Variants in PSMA5 observed in about 807,000 individuals in gnomAD.
The protein encoded by PSMA5 is proteasome subunit alpha type-5.
Under a neutral mutation model 34.5 loss-of-function variants are expected in PSMA5, and 3 were observed. That is an observed-to-expected ratio of 0.09 (90% CI 0.04 to 0.22). The LOEUF (loss-of-function observed/expected upper bound fraction) is 0.22, where lower values mean the gene tolerates loss of function less well. PSMA5 is among the 10% of genes least tolerant of loss of function. The pLI is 1.00. For synonymous variants in PSMA5, 88 were observed against 95.8 expected, an observed-to-expected ratio of 0.92 and a Z score of 0.47; for missense variants, 120 against 286.1, an observed-to-expected ratio of 0.42 and a Z score of 4.19.
intron 6 of PSMA5, among the ~76,000 whole-genome samples, chr1:109,411,594 C>A (rs1202260561): frequency 6.6e-6 from 1 of 151,958 alleles, no homozygotes; most frequent in Non-Finnish European, 1.5e-5. Flanking sequence ...ACACACTCTA[C>A]AATAGCCCTT....
intron 2 of PSMA5, among the ~76,000 whole-genome samples, chr1:109,420,018 C>T (rs1217530868): frequency 1.3e-5 from 2 of 151,460 alleles, no homozygotes; most frequent in Non-Finnish European, 2.9e-5. Context: ...CTTAATTTGC[C>T]TGAATGTTTT....
chr1:109,408,584 T>G (rs1557839923), intron 8 of PSMA5, among the ~76,000 whole-genome samples: 1 of 152,240 alleles, frequency 6.6e-6, no homozygotes, highest in Non-Finnish European at 1.5e-5. Flanking sequence ...GTACTCAATA[T>G]GATGCTGAAT....
At chr1:109,423,514 C>T (rs1654529231) in intron 1 of PSMA5, among the ~76,000 whole-genome samples, 1 of 152,220 alleles carries the variant, frequency 6.6e-6, no homozygotes. Flanking sequence ...CTTGCATATC[C>T]TATTAGCACT....
chr1:109,418,315 A>C (rs1485705067), intron 2 of PSMA5, among the ~76,000 whole-genome samples: 1 of 152,150 alleles, frequency 6.6e-6, no homozygotes, highest in Non-Finnish European at 1.5e-5. Flanking sequence ...TGACCAGTTC[A>C]AAAGGAAAAA....
At chr1:109,425,126 A>G (rs777596295) in intron 1 of PSMA5, among the ~76,000 whole-genome samples, 12 of 152,244 alleles carry the variant, frequency 7.9e-5, no homozygotes, top group Admixed American at 5.9e-4. Flanking sequence ...CCATTGCTGT[A>G]GCACCAGCAC....
intron 8 of PSMA5, among the ~76,000 whole-genome samples, chr1:109,405,225 G>C (rs1303832127): frequency 2.0e-5 from 3 of 152,142 alleles, no homozygotes; most frequent in African/African-American, 4.8e-5. Context: ...CCATTTACCT[G>C]TTGGCCCTAC....
intron 2 of PSMA5, among the ~76,000 whole-genome samples, chr1:109,418,640 G>A (rs1372407391): frequency 2.6e-5 from 4 of 151,866 alleles, no homozygotes; most frequent in Admixed American, 6.6e-5. Context: ...TTCTAGACAC[G>A]GGCTATGTTG....
At chr1:109,422,399 T>C (rs1027213195) in intron 1 of PSMA5, among the ~76,000 whole-genome samples, 3 of 152,164 alleles carry the variant, frequency 2.0e-5, no homozygotes, top group Admixed American at 6.5e-5. Flanking sequence ...TTTGTAATAG[T>C]CTCCTAACAG....
intron 8 of PSMA5, among the ~76,000 whole-genome samples, chr1:109,402,714 T>C (rs1427322167): frequency 1.3e-5 from 2 of 152,150 alleles, no homozygotes; most frequent in Non-Finnish European, 2.9e-5. Context: ...TTGTTTTTGG[T>C]TTTGTTTTGA....
intron 2 of PSMA5, among the ~76,000 whole-genome samples, chr1:109,416,803 T>C (rs1654218898): frequency 6.6e-6 from 1 of 152,198 alleles, no homozygotes; most frequent in Non-Finnish European, 1.5e-5. Context: ...AAAAATTTTA[T>C]GTAAAAAAAT....
chr1:109,426,270 A>C (rs1654655994), intron 1 of PSMA5, 32 bp downstream of exon 1: 2 of 1,613,250 alleles, frequency 1.2e-6, no homozygotes, highest in Non-Finnish European at 1.7e-6. Context: ...CCCACCCATA[A>C]TTCCCACCCG....
intron 3 of PSMA5, 96 bp from the exon 4 acceptor site, chr1:109,413,231 C>T: frequency 9.1e-7 from 1 of 1,097,284 alleles, no homozygotes. Flanking sequence ...GGAACCACGG[C>T]AGCCATTCAG....
At chr1:109,407,833 C>G (rs546112198) in intron 8 of PSMA5, among the ~76,000 whole-genome samples, 1 of 151,818 alleles carries the variant, frequency 6.6e-6, no homozygotes, top group Non-Finnish European at 1.5e-5. Flanking sequence ...TTAGTAGAGA[C>G]GGGGTTTCAC....
At chr1:109,424,510 G>C (rs548988909) in intron 1 of PSMA5, among the ~76,000 whole-genome samples, 28 of 152,242 alleles carry the variant, frequency 1.8e-4, no homozygotes, top group Admixed American at 1.4e-3. Flanking sequence ...GAGCGAGGTG[G>C]CTCTCGCCTG....
At chr1:109,424,681 A>G (rs1302224082) in intron 1 of PSMA5, among the ~76,000 whole-genome samples, 1 of 151,270 alleles carries the variant, frequency 6.6e-6, no homozygotes, top group African/African-American at 2.4e-5. Flanking sequence ...ACGCTGAGTC[A>G]GAGAATTGCT....
At chr1:109,425,471 A>G (rs1654618472) in intron 1 of PSMA5, 1 of 152,216 alleles carries the variant, frequency 6.6e-6, no homozygotes, top group South Asian at 2.1e-4. Flanking sequence ...AAAAGATGAA[A>G]AAGTGGTAAC....
chr1:109,411,818 C>A, intron 6 of PSMA5, 59 bp downstream of exon 6: 1 of 1,508,330 alleles, frequency 6.6e-7, no homozygotes, highest in Middle Eastern at 2.0e-4. Flanking sequence ...TCAGTCTCCA[C>A]CCCAAATTAA....
intron 8 of PSMA5, among the ~76,000 whole-genome samples, chr1:109,408,696 T>G (rs75565154): frequency 7.5e-6 from 1 of 132,566 alleles, no homozygotes; most frequent in Non-Finnish European, 1.7e-5. Context: ...TTCTTTCAGC[T>G]TTTTTTTTTT....
intron 8 of PSMA5, among the ~76,000 whole-genome samples, chr1:109,405,593 G>A (rs1276968258): frequency 8.6e-5 from 13 of 151,548 alleles, no homozygotes; most frequent in African/African-American, 2.2e-4. Context: ...ACATGTCACC[G>A]TGCTTAGCTA....
Sources: gnomAD v4.1 joint callset for allele counts (sites outside exome capture counted in the v4.1 genomes callset) on GRCh38, gnomAD v4.1.1 for gene constraint, MANE v1.5 for transcripts, NCBI Gene and HGNC (gene_info 2026-07-23, HGNC 2026-07-21) for gene names.